The following ASB6 variants were observed in gnomAD, a reference collection of about 807,000 sequenced individuals.
ASB6 encodes the protein ankyrin repeat and SOCS box containing 6.
A neutral mutation model predicts 28.6 loss-of-function variants in ASB6; 24 were observed. The ratio of observed to expected loss-of-function variants is 0.84; its 90% CI spans 0.61 to 1.18. ASB6 has a LOEUF of 1.18. Ranked by LOEUF, ASB6 falls within the 50% of genes most tolerant of loss-of-function variation. The probability of loss-of-function intolerance (pLI) is 0.00; values close to 1 mark genes in which losing one functional copy is unlikely to be tolerated. For synonymous variants in ASB6, 267 were observed against 243.4 expected, an observed-to-expected ratio of 1.10 and a Z score of -0.90; for missense variants, 519 against 559.8, an observed-to-expected ratio of 0.93 and a Z score of 0.74.
rs758042422 is a variant in ASB6, at chr9:129,640,427, A to AG, written c.295+113dup. On this transcript the variant is annotated intron_variant, in intron 2 of 5. Transcript: ENST00000277458. The stretch of plus-strand genomic sequence containing the variant: ...TTAGTTGCAGCCACCCAGGAAATAA[A>AG]GGGGGGGAAGTCACTCCTCAGAGGA... The AG allele has an allele frequency of 6.2e-5, 85 of 1,379,202 alleles. No individual in the cohort carries two copies. In the South Asian group the frequency reaches 8.9e-4, roughly 14 times the overall value. 85.4% of individuals were successfully genotyped at this position (1,379,202 alleles called of 1,614,324 possible).
Position 129,635,636 on chromosome 9 carries a change from C to G in ASB6, c.*2154G>C. The G allele has an allele frequency of 1.2e-6, 1 of 816,048 alleles. No homozygotes were observed. Among genetic ancestry groups the G allele is most frequent in the Non-Finnish European group, 1.9e-6 (1 of 517,460 alleles). 50.6% of individuals were successfully genotyped at this position (816,048 alleles called of 1,614,324 possible). Reference sequence around the variant, plus strand: ...CTTCTTCAAAAGGCAAGGTGGGACCCGGCGGGGAGGGTGCTGCTGAACCAG... The same window carrying G: ...CTTCTTCAAAAGGCAAGGTGGGACCGGGCGGGGAGGGTGCTGCTGAACCAG... On this transcript the variant is annotated 3_prime_UTR_variant, in exon 6 of 6. Transcript: ENST00000277458.
chr9:129,639,147 C>T (rs1831630970), intron 4 of ASB6, 55 bp downstream of exon 4: 10 of 1,518,070 alleles, frequency 6.6e-6, no homozygotes, highest in Non-Finnish European at 8.9e-6. Context: ...CCTGGGTGTC[C>T]CCCACAAGGT....
chr9:129,641,869 C>A lies in ASB6; in HGVS notation c.113+18G>T. The A allele has an allele frequency of 6.3e-7, 1 of 1,576,074 alleles. No individual in the cohort carries two copies. The highest frequency in any genetic ancestry group is 8.6e-7 in the Non-Finnish European group (1 of 1,160,572). On this transcript the variant is annotated intron_variant, in intron 1 of 5. Transcript: ENST00000277458. ...GGTCGGAGCGGCCTCGGCCAGCTCA[C>A]GGGAGGGGGTGAGTTACCGGTCCAG...
intron 2 of ASB6, 23 bp downstream of exon 2, chr9:129,640,518 C>T (rs1347846545): frequency 1.3e-6 from 2 of 1,591,882 alleles, no homozygotes; most frequent in South Asian, 1.1e-5. Flanking sequence ...AGCCACCTGC[C>T]CACCCCCGGG....
chr9:129,637,887 C>T lies in ASB6; in HGVS notation c.1169G>A (p.Trp390Ter). 5 of 1,568,352 alleles carry T rather than the reference C, an allele frequency of 3.2e-6. No homozygotes were observed. Among genetic ancestry groups the T allele is most frequent in the Non-Finnish European group, 4.3e-6 (5 of 1,156,910 alleles). ...GGCTTTGACCTTCACATCCACAGGCCACGGCTGAAGGTAGAGCCGGATGGC... is the reference window on the plus strand; with the variant it reads ...GGCTTTGACCTTCACATCCACAGGCTACGGCTGAAGGTAGAGCCGGATGGC... ...RVAIRLYLQP[W>*]PVDVKVKALP... Residue 390 changes from tryptophan (W) to a stop codon, truncating the protein, a stop_gained, in exon 6 of 6, where the codon TGG (tryptophan) becomes TAG (stop). Transcript: ENST00000277458. LOFTEE classifies it high-confidence loss of function.
intron 2 of ASB6, among the ~76,000 whole-genome samples, chr9:129,639,927 A>G (rs1055626656): frequency 3.3e-5 from 5 of 152,314 alleles, no homozygotes; most frequent in Non-Finnish European, 5.9e-5. Flanking sequence ...GGAGCCCAGC[A>G]GACTCCAAGC....
chr9:129,641,599 G>A lies in ASB6; in HGVS notation c.113+288C>T, dbSNP rs114609306. ...TCCACCCTGCTCCTCTGCCACGCCGGGGGGTGGCACAGGACAGGCAGGCGA... is the reference window on the plus strand; with the variant it reads ...TCCACCCTGCTCCTCTGCCACGCCGAGGGGTGGCACAGGACAGGCAGGCGA... On this transcript the variant is annotated intron_variant, in intron 1 of 5. Transcript: ENST00000277458. 2.2e-3 allele frequency among the ~76,000 whole-genome samples: 340 copies of A among 152,326 alleles called. 3 individuals are homozygous for A. The highest frequency in any genetic ancestry group is 7.9e-3 in the African/African-American group (329 of 41,590).
chr9:129,641,531 C>T (rs1588151825), intron 1 of ASB6, among the ~76,000 whole-genome samples: 1 of 152,242 alleles, frequency 6.6e-6, no homozygotes, highest in Non-Finnish European at 1.5e-5. Flanking sequence ...TACAAAAGCC[C>T]ACCTTCACAC....
intron 2 of ASB6, among the ~76,000 whole-genome samples, chr9:129,639,844 C>T (rs866303636): frequency 2.0e-5 from 3 of 152,230 alleles, no homozygotes; most frequent in South Asian, 4.1e-4. Flanking sequence ...TGGTAACAGC[C>T]AGGTTCTCCA....
rs2119003905 is a variant in ASB6 at position 129,636,766 on chromosome 9, A to G, written c.*1024T>C. 6.6e-6 allele frequency: 1 copy of G among 151,670 alleles called. No homozygotes were observed. The highest frequency in any genetic ancestry group is 1.9e-4 in the East Asian group (1 of 5,150). 9.4% of individuals were successfully genotyped at this position (151,670 alleles called of 1,614,324 possible). A position where few individuals can be genotyped will look rare whatever the true frequency, so the allele number is the denominator to read the frequency against. ...TCTAGAGTGGTGCTTCTTTGCAGGG[A>G]CTTGGAAACAACCCCCCAAACACAG... On this transcript the variant is annotated 3_prime_UTR_variant, in exon 6 of 6. Transcript: ENST00000277458.
chr9:129,637,901 G>A lies in ASB6; in HGVS notation c.1155C>T (p.Leu385=). The A allele has an allele frequency of 1.3e-6, 2 of 1,579,156 alleles. No homozygotes were observed. The highest frequency in any genetic ancestry group is 1.7e-6 in the Non-Finnish European group (2 of 1,162,310). Residue 385 remains leucine (L), a synonymous_variant, in exon 6 of 6, where the codon CTC becomes CTT. Transcript: ENST00000277458. ...LKHLCRVAIR[L]YLQPWPVDVK... ...CATCCACAGGCCACGGCTGAAGGTA[G>A]AGCCGGATGGCCACACGGCACAGGT...
In ASB6 at chr9:129,635,553, C is replaced by T. The variant is rs541975307; in HGVS notation, c.*2237G>A. 4.5e-5 allele frequency: 66 copies of T among 1,453,490 alleles called. No homozygotes were observed. The highest frequency in any genetic ancestry group is 2.2e-4 in the Admixed American group (11 of 50,676). 90.0% of individuals were successfully genotyped at this position (1,453,490 alleles called of 1,614,324 possible). A position where few individuals can be genotyped will look rare whatever the true frequency, so the allele number is the denominator to read the frequency against. ...AGATCCAGGCGCCACGCTGGCGGTT[C>T]GTGAGTGTCGAGGCACCACTAAATA... On this transcript the variant is annotated 3_prime_UTR_variant, in exon 6 of 6. Transcript: ENST00000277458.
Position 129,639,193 on chromosome 9 carries a change from G to A in ASB6, c.511+9C>T, listed in dbSNP as rs1007745976. On this transcript the variant is annotated intron_variant, in intron 4 of 5. Transcript: ENST00000277458. Reference sequence around the variant, plus strand: ...CCAGCTGTCCTGCTTTCCTGCAGGAGGCACCCACCATGCTTGTCAGCGGCA... The same window carrying A: ...CCAGCTGTCCTGCTTTCCTGCAGGAAGCACCCACCATGCTTGTCAGCGGCA... 2 of 1,596,220 alleles carry A rather than the reference G, an allele frequency of 1.3e-6. No individual in the cohort carries two copies. Among genetic ancestry groups the A allele is most frequent in the Non-Finnish European group, 1.7e-6 (2 of 1,169,660 alleles).
At position 129,637,890 on chromosome 9, in the gene ASB6, G is replaced by T; in HGVS notation, c.1166C>A (p.Pro389Gln). Reference protein sequence around the residue: ...CRVAIRLYLQPWPVDVKVKAL... With the variant: ...CRVAIRLYLQQWPVDVKVKAL... ...TTTGACCTTCACATCCACAGGCCAC[G>T]GCTGAAGGTAGAGCCGGATGGCCAC... Residue 389 changes from proline (P) to glutamine (Q), a missense_variant, in exon 6 of 6, where the codon CCG (proline) becomes CAG (glutamine). Transcript: ENST00000277458. 6.4e-7 allele frequency: 1 copy of T among 1,570,238 alleles called. No homozygotes were observed. Among genetic ancestry groups the T allele is most frequent in the East Asian group, 2.2e-5 (1 of 44,502 alleles).
At chr9:129,639,367 A>G in intron 3 of ASB6, 35 bp downstream of exon 3, 1 of 1,602,056 alleles carries the variant, frequency 6.2e-7, no homozygotes. Context: ...CCCCTGCCCA[A>G]CCCTGCTTCA....
chr9:129,637,697 G>C lies in ASB6; in HGVS notation c.*93C>G. The C allele has an allele frequency of 3.1e-6, 4 of 1,306,056 alleles. No homozygotes were observed. Among genetic ancestry groups the C allele is most frequent in the Non-Finnish European group, 4.1e-6 (4 of 979,690 alleles). The allele number at this position is 1,306,056 out of a possible 1,614,324, so 80.9% of individuals were successfully genotyped here. ...ATGAAGGATCCCGTCTCATCTCCCA[G>C]ATCAAAAAGACCCTCTTCTAATGCT... On this transcript the variant is annotated 3_prime_UTR_variant, in exon 6 of 6. Transcript: ENST00000277458.
rs1831720671 is a variant in ASB6, at chr9:129,642,121, C to A, written c.-122G>T. 2.2e-6 allele frequency: 3 copies of A among 1,340,922 alleles called. No individual in the cohort carries two copies. Among genetic ancestry groups the A allele is most frequent in the Non-Finnish European group, 1.9e-6 (2 of 1,047,288 alleles). The allele number at this position is 1,340,922 out of a possible 1,614,324, so 83.1% of individuals were successfully genotyped here. A position where few individuals can be genotyped will look rare whatever the true frequency, so the allele number is the denominator to read the frequency against. On this transcript the variant is annotated 5_prime_UTR_variant, in exon 1 of 6. Coordinates refer to ENST00000277458, the MANE Select transcript of ASB6 (RefSeq NM_017873.4). The surrounding 1 kb of genome is among the most constrained non-coding windows in gnomAD (Gnocchi z 4.3). ...TGCTCCGCCAGTCCAGCCCCTGCGC[C>A]CGGCCGGGTCCGCTCCTCAGTCCAA...
rs377512132 is a variant in ASB6 at position 129,642,123 on chromosome 9, G to C, written c.-124C>G. The C allele has an allele frequency of 2.8e-3, 3,698 of 1,340,282 alleles. 38 individuals are homozygous for C. The African/African-American group carries it at 0.032, about 12-fold the overall frequency. The allele number at this position is 1,340,282 out of a possible 1,614,324, so 83.0% of individuals were successfully genotyped here. A position where few individuals can be genotyped will look rare whatever the true frequency, so the allele number is the denominator to read the frequency against. Reference sequence around the variant, plus strand: ...CTCCGCCAGTCCAGCCCCTGCGCCCGGCCGGGTCCGCTCCTCAGTCCAAGC... The same window carrying C: ...CTCCGCCAGTCCAGCCCCTGCGCCCCGCCGGGTCCGCTCCTCAGTCCAAGC... On this transcript the variant is annotated 5_prime_UTR_variant, in exon 1 of 6. Coordinates refer to ENST00000277458, the MANE Select transcript of ASB6 (RefSeq NM_017873.4). This position sits in a 1 kb window ranked among gnomAD's most constrained non-coding sequence, Gnocchi z 4.3.
intron 2 of ASB6, among the ~76,000 whole-genome samples, chr9:129,639,809 T>C (rs957128967): frequency 3.3e-5 from 5 of 152,254 alleles, no homozygotes; most frequent in Non-Finnish European, 5.9e-5. Context: ...ACAGCAGCTC[T>C]GGCGGCTCTG....
Sources: gnomAD v4.1 joint callset for allele counts (sites outside exome capture counted in the v4.1 genomes callset) on GRCh38, gnomAD v4.1.1 for gene constraint, Gnocchi (gnomAD v3.1) non-coding constraint, MANE v1.5 for transcripts, NCBI Gene and HGNC (gene_info 2026-07-23, HGNC 2026-07-21) for gene names.